EIF3A: variants seen among roughly 807,000 people sequenced by gnomAD.
The protein encoded by EIF3A is eukaryotic translation initiation factor 3 subunit A.
Under a neutral mutation model 186.6 loss-of-function variants are expected in EIF3A, and 21 were observed. The observed-to-expected ratio is 0.11, with a 90% CI of 0.08 to 0.16. The LOEUF is 0.16. Ranked by LOEUF, EIF3A falls within the 10% of genes least tolerant of loss-of-function variation. The probability of loss-of-function intolerance (pLI) is 1.00; values close to 1 mark genes in which losing one functional copy is unlikely to be tolerated. For missense variants in EIF3A, 1,306 were observed against 1,796.3 expected, an observed-to-expected ratio of 0.73 and a Z score of 4.93; for synonymous variants, 563 against 584.3, an observed-to-expected ratio of 0.96 and a Z score of 0.52.
At chr10:119,041,854 G>A (rs1052699307) in intron 19 of EIF3A, 140 bp downstream of exon 19, 21 of 910,162 alleles carry the variant, frequency 2.3e-5, no homozygotes, top group South Asian at 3.5e-5. Context: ...TTTTGACAGC[G>A]AAGTCACTGC....
chr10:119,061,773 T>C (rs1843891745), intron 7 of EIF3A, among the ~76,000 whole-genome samples: 1 of 152,054 alleles, frequency 6.6e-6, no homozygotes. Context: ...TAAACAAAAA[T>C]GCTCAAAAAA....
At position 119,059,589 on chromosome 10, in the gene EIF3A, A is replaced by G; in HGVS notation, c.1443+13T>C. On this transcript the variant is annotated intron_variant, in intron 10 of 21. Coordinates refer to ENST00000369144, the MANE Select transcript of EIF3A (RefSeq NM_003750.4). ...CAAGGGCCTTCTCCTGTCTCCTTAC[A>G]GCACATACCTACCTGCAAGTCGCAA... 1 of 1,596,494 alleles carries G rather than the reference A, an allele frequency of 6.3e-7. No individual in the cohort carries two copies. The highest frequency in any genetic ancestry group is 1.7e-4 in the Middle Eastern group (1 of 6,026).
Position 119,035,008 on chromosome 10 carries a change from A to G in EIF3A, c.*1031T>C. On this transcript the variant is annotated 3_prime_UTR_variant, in exon 22 of 22. Coordinates refer to ENST00000369144, the MANE Select transcript of EIF3A (RefSeq NM_003750.4). The stretch of plus-strand genomic sequence containing the variant: ...TGAATATGCAAACTTACCATTATAA[A>G]CAAAATACTATAACCACAAATCAAC... 1 of 152,702 alleles carries G rather than the reference A, an allele frequency of 6.5e-6. No individual in the cohort carries two copies. Among genetic ancestry groups the G allele is most frequent in the Admixed American group, 6.5e-5 (1 of 15,284 alleles). 9.5% of individuals were successfully genotyped at this position (152,702 alleles called of 1,614,324 possible).
At chr10:119,070,262 G>T (rs1189701065) in intron 5 of EIF3A, among the ~76,000 whole-genome samples, 1 of 152,164 alleles carries the variant, frequency 6.6e-6, no homozygotes, top group Non-Finnish European at 1.5e-5. Context: ...AGGATTCTTA[G>T]AGAAAAAGGG....
chr10:119,067,792 T>A (rs539645641), intron 6 of EIF3A, among the ~76,000 whole-genome samples: 101 of 152,250 alleles, frequency 6.6e-4, no homozygotes, highest in African/African-American at 2.2e-3. Context: ...ACAGGTGGTA[T>A]GTGTGTTGCC....
Position 119,059,225 on chromosome 10 carries a change from G to C in EIF3A, c.1616C>G (p.Pro539Arg). 6.2e-7 allele frequency: 1 copy of C among 1,614,092 alleles called. No homozygotes were observed. The highest frequency in any genetic ancestry group is 8.5e-7 in the Non-Finnish European group (1 of 1,179,962). ...GAAGATGCATACCAGTATATGAGCT[G>C]GTTTAATGACTTCAAGTGCTTTTGC... ...VLAKALEVIK[P>R]AHILQEKEEQ... Residue 539 changes from proline (P) to arginine (R), a missense_variant, in exon 11 of 22, where the codon CCA (proline) becomes CGA (arginine). Coordinates refer to ENST00000369144, the MANE Select transcript of EIF3A (RefSeq NM_003750.4).
intron 1 of EIF3A, among the ~76,000 whole-genome samples, chr10:119,079,543 G>A (rs904682397): frequency 2.0e-5 from 3 of 151,862 alleles, no homozygotes; most frequent in African/African-American, 7.3e-5. Flanking sequence ...GAAAATAAGA[G>A]CTATCCATGC....
At chr10:119,080,209 G>A (rs1479774603) in intron 1 of EIF3A, among the ~76,000 whole-genome samples, 1 of 152,170 alleles carries the variant, frequency 6.6e-6, no homozygotes, top group Non-Finnish European at 1.5e-5. Context: ...CATTGTCCCC[G>A]GGAGGGAGCC....
At chr10:119,078,297 C>T (rs1414591323) in intron 1 of EIF3A, among the ~76,000 whole-genome samples, 3 of 152,174 alleles carry the variant, frequency 2.0e-5, no homozygotes, top group Non-Finnish European at 2.9e-5. Context: ...ACTGCTGGTC[C>T]AAGTTCTCAC....
At chr10:119,077,629 A>T (rs202027457) in intron 1 of EIF3A, among the ~76,000 whole-genome samples, 1 of 149,578 alleles carries the variant, frequency 6.7e-6, no homozygotes, top group East Asian at 2.0e-4. Context: ...ATCTCAGCTC[A>T]CTGCAAGCTC....
At chr10:119,077,173 T>G (rs573745927) in intron 1 of EIF3A, among the ~76,000 whole-genome samples, 1 of 152,052 alleles carries the variant, frequency 6.6e-6, no homozygotes, top group East Asian at 1.9e-4. Flanking sequence ...CAATTAGAAG[T>G]TGATTCCTTA....
intron 15 of EIF3A, 66 bp downstream of exon 15, chr10:119,051,133 G>A (rs528505834): frequency 9.1e-6 from 13 of 1,422,802 alleles, no homozygotes; most frequent in South Asian, 1.4e-5. Flanking sequence ...ATTTGTTAAG[G>A]GAGAACCCTT....
chr10:119,046,287 AT>A (rs929429094), intron 17 of EIF3A, among the ~76,000 whole-genome samples: 2 of 152,242 alleles, frequency 1.3e-5, no homozygotes, highest in Admixed American at 6.5e-5. Context: ...GGTCTCTATT[AT>A]TTCTGAAAAG....
At chr10:119,048,678 T>C (rs1848315201) in intron 17 of EIF3A, among the ~76,000 whole-genome samples, 1 of 151,950 alleles carries the variant, frequency 6.6e-6, no homozygotes. Flanking sequence ...ATTCTTTTTT[T>C]TTTTTTCCCC....
At chr10:119,043,837 G>A (rs1342317315) in intron 18 of EIF3A, among the ~76,000 whole-genome samples, 4 of 151,986 alleles carry the variant, frequency 2.6e-5, no homozygotes, top group Non-Finnish European at 5.9e-5. Flanking sequence ...CTTGAACCCA[G>A]GAGGCAGAGG....
chr10:119,036,812 T>C (rs1350356836), intron 21 of EIF3A, among the ~76,000 whole-genome samples: 1 of 152,214 alleles, frequency 6.6e-6, no homozygotes, highest in African/African-American at 2.4e-5. Flanking sequence ...AGAAAATGTT[T>C]CTACTTTGTG....
chr10:119,068,525 A>T (rs558886963), intron 6 of EIF3A, among the ~76,000 whole-genome samples: 73 of 151,986 alleles, frequency 4.8e-4, no homozygotes, highest in Non-Finnish European at 8.7e-4. Context: ...AAATACAAAA[A>T]ATTAGCCAGG....
intron 9 of EIF3A, 147 bp from the exon 10 acceptor site, chr10:119,059,865 G>C: frequency 1.6e-5 from 11 of 672,192 alleles, no homozygotes; most frequent in East Asian, 5.2e-5. Flanking sequence ...GCTAATCCCA[G>C]ACCATCGACT....
intron 8 of EIF3A, 143 bp from the exon 9 acceptor site, chr10:119,060,987 G>A: frequency 3.1e-6 from 2 of 638,100 alleles, no homozygotes; most frequent in South Asian, 4.5e-5. Context: ...ACTGATACTT[G>A]TTTGAAGGTG....
Sources: allele counts gnomAD v4.1 joint callset (sites outside exome capture counted in the v4.1 genomes callset), GRCh38; gene constraint gnomAD v4.1.1; transcripts MANE v1.5; gene names NCBI Gene and HGNC (gene_info 2026-07-23, HGNC 2026-07-21).